GRID2: variants seen among roughly 807,000 people sequenced by gnomAD.
GRID2 encodes the protein glutamate ionotropic receptor delta type subunit 2.
Under a neutral mutation model 114.8 loss-of-function variants are expected in GRID2, and 33 were observed. That is an observed-to-expected ratio of 0.29 (90% CI 0.22 to 0.38). The LOEUF (loss-of-function observed/expected upper bound fraction) is 0.38. GRID2 is among the 10% of genes least tolerant of loss of function. GRID2 has a pLI of 1.00. For synonymous variants in GRID2, 505 were observed against 449.9 expected, an observed-to-expected ratio of 1.12 and a Z score of -1.55; for missense variants, 1,184 against 1,257.7, an observed-to-expected ratio of 0.94 and a Z score of 0.89.
chr4:92,573,149 C>A (rs1444505277), intron 1 of GRID2, among the ~76,000 whole-genome samples: 1 of 152,018 alleles, frequency 6.6e-6, no homozygotes, highest in African/African-American at 2.4e-5. Flanking sequence ...GTCTGTATTT[C>A]TTTGGGGTCA....
At chr4:93,699,595 A>T (rs963488377) in intron 14 of GRID2, among the ~76,000 whole-genome samples, 2 of 152,144 alleles carry the variant, frequency 1.3e-5, no homozygotes, top group African/African-American at 4.8e-5. Context: ...CTAATTGAAG[A>T]AGCTGGAATT....
At chr4:92,773,896 A>G (rs948556026) in intron 2 of GRID2, among the ~76,000 whole-genome samples, 3 of 152,282 alleles carry the variant, frequency 2.0e-5, no homozygotes, top group Non-Finnish European at 2.9e-5. Flanking sequence ...TTGTACAAGC[A>G]TGCATTAAAA....
At chr4:93,231,694 C>A (rs572158959) in intron 7 of GRID2, among the ~76,000 whole-genome samples, 4 of 152,144 alleles carry the variant, frequency 2.6e-5, no homozygotes, top group Admixed American at 6.6e-5. Context: ...AAGTTCATTT[C>A]TTCAGGGGAC....
intron 1 of GRID2, among the ~76,000 whole-genome samples, chr4:92,389,495 C>G (rs1379271524): frequency 6.6e-6 from 1 of 150,552 alleles, no homozygotes; most frequent in Non-Finnish European, 1.5e-5. Flanking sequence ...TTCAGCTCCA[C>G]AGTTAAAAGG....
chr4:92,933,162 C>CATAT (rs200788632), intron 2 of GRID2, among the ~76,000 whole-genome samples: 2 of 149,512 alleles, frequency 1.3e-5, no homozygotes, highest in Non-Finnish European at 3.0e-5. Flanking sequence ...TATATATATA[C>CATAT]ACATATATAT....
chr4:92,817,304 G>C (rs994490458), intron 2 of GRID2, among the ~76,000 whole-genome samples: 3 of 151,560 alleles, frequency 2.0e-5, no homozygotes, highest in African/African-American at 7.3e-5. Context: ...ACATTGCTGT[G>C]GGTTTAAAAA....
chr4:92,762,139 T>C (rs1035279100), intron 2 of GRID2, among the ~76,000 whole-genome samples: 1 of 152,028 alleles, frequency 6.6e-6, no homozygotes, highest in African/African-American at 2.4e-5. Flanking sequence ...GGTCTCCATC[T>C]CCTGAACTCA....
chr4:93,349,885 T>A (rs1374554452), intron 8 of GRID2, among the ~76,000 whole-genome samples: 2 of 152,026 alleles, frequency 1.3e-5, no homozygotes, highest in Non-Finnish European at 2.9e-5. Context: ...TATGATAAAA[T>A]AAATAAATGT....
intron 1 of GRID2, among the ~76,000 whole-genome samples, chr4:92,540,628 A>C (rs1351517362): frequency 6.6e-6 from 1 of 152,208 alleles, no homozygotes; most frequent in African/African-American, 2.4e-5. Context: ...GCAATCATTA[A>C]AAAGTCAGGA....
intron 2 of GRID2, among the ~76,000 whole-genome samples, chr4:92,599,479 T>A (rs1185030741): frequency 6.6e-6 from 1 of 152,208 alleles, no homozygotes; most frequent in Non-Finnish European, 1.5e-5. Flanking sequence ...GCTTTGCACA[T>A]TTCATTGCAA....
At chr4:93,728,426 T>C (rs1730148378) in intron 14 of GRID2, among the ~76,000 whole-genome samples, 2 of 152,200 alleles carry the variant, frequency 1.3e-5, no homozygotes, top group Non-Finnish European at 2.9e-5. Context: ...AATTTTGGAA[T>C]AGGTGTGGTG....
At chr4:92,566,237 A>G (rs990325795) in intron 1 of GRID2, among the ~76,000 whole-genome samples, 13 of 152,162 alleles carry the variant, frequency 8.5e-5, no homozygotes, top group African/African-American at 3.1e-4. Context: ...ATTTTCATGC[A>G]TAGAAAAAAG....
chr4:93,696,101 A>G (rs754864842), intron 14 of GRID2, among the ~76,000 whole-genome samples: 1 of 152,216 alleles, frequency 6.6e-6, no homozygotes, highest in Non-Finnish European at 1.5e-5. Context: ...CTATTTCCAA[A>G]GGTAACATAT....
At chr4:92,867,658 A>AT (rs1415321411) in intron 2 of GRID2, among the ~76,000 whole-genome samples, 1 of 151,340 alleles carries the variant, frequency 6.6e-6, no homozygotes, top group African/African-American at 2.4e-5. Context: ...AGTAAAATGG[A>AT]TTTTTAACAC....
chr4:93,357,292 A>G (rs988450347), intron 8 of GRID2, among the ~76,000 whole-genome samples: 1 of 151,594 alleles, frequency 6.6e-6, no homozygotes, highest in African/African-American at 2.4e-5. Context: ...ATTTTGCCTT[A>G]GCTAATTATT....
intron 8 of GRID2, among the ~76,000 whole-genome samples, chr4:93,331,133 C>CCT (rs1553911162): frequency 6.8e-6 from 1 of 147,242 alleles, no homozygotes; most frequent in Non-Finnish European, 1.5e-5. Context: ...CTAACCCCCC[C>CCT]CCCATTTCAC....
intron 2 of GRID2, among the ~76,000 whole-genome samples, chr4:92,944,117 A>G (rs992962478): frequency 1.4e-4 from 22 of 152,330 alleles, no homozygotes; most frequent in South Asian, 1.0e-3. Context: ...GCTGTCAGAC[A>G]GGTACATTTA....
intron 2 of GRID2, among the ~76,000 whole-genome samples, chr4:92,930,830 A>G (rs1383210007): frequency 6.6e-6 from 1 of 151,180 alleles, no homozygotes; most frequent in Non-Finnish European, 1.5e-5. Context: ...AGAAAAAATA[A>G]AATAATTGAA....
intron 2 of GRID2, among the ~76,000 whole-genome samples, chr4:93,034,187 A>G (rs1217411009): frequency 6.6e-6 from 1 of 152,202 alleles, no homozygotes; most frequent in Admixed American, 6.5e-5. Context: ...TATTTCCAGT[A>G]ACATTTAACA....
Sources: gnomAD v4.1 joint callset for allele counts (sites outside exome capture counted in the v4.1 genomes callset) on GRCh38, gnomAD v4.1.1 for gene constraint, MANE v1.5 for transcripts, NCBI Gene and HGNC (gene_info 2026-07-23, HGNC 2026-07-21) for gene names.